WWOX: variants seen among roughly 807,000 people sequenced by gnomAD.
WWOX encodes WW domain-containing oxidoreductase.
Under a neutral mutation model 46.2 loss-of-function variants are expected in WWOX, and 69 were observed. The ratio of observed to expected loss-of-function variants is 1.49; its 90% confidence interval spans 1.23 to 1.82. The LOEUF is 1.82. Among genes scored for constraint, WWOX ranks in the 40% most tolerant of loss-of-function variants. The probability of loss-of-function intolerance (pLI) is 0.00; values close to 1 mark genes in which losing one functional copy is unlikely to be tolerated. For synonymous variants in WWOX, 359 were observed against 202.6 expected (o/e 1.77, Z -6.56); for missense variants, 919 against 542.6 (o/e 1.69, Z -6.89).
intron 8 of WWOX, among the ~76,000 whole-genome samples, chr16:78,950,107 G>A (rs1402584418): frequency 6.6e-6 from 1 of 152,092 alleles, no homozygotes; most frequent in Admixed American, 6.5e-5. Flanking sequence ...ATGATATACT[G>A]CACATGTTTT....
chr16:79,116,049 C>T (rs2049509423), intron 8 of WWOX, among the ~76,000 whole-genome samples: 1 of 152,226 alleles, frequency 6.6e-6, no homozygotes, highest in East Asian at 1.9e-4. Flanking sequence ...CTTAAGTGTA[C>T]AATAGCATTG....
chr16:79,141,525 G>A (rs2050088632), intron 8 of WWOX, among the ~76,000 whole-genome samples: 1 of 152,220 alleles, frequency 6.6e-6, no homozygotes, highest in South Asian at 2.1e-4. Context: ...CCGTTTTCAA[G>A]TCTCATTTTA....
intron 8 of WWOX, among the ~76,000 whole-genome samples, chr16:78,853,105 G>A (rs2151182440): frequency 1.3e-5 from 2 of 152,278 alleles, no homozygotes; most frequent in Middle Eastern, 6.8e-3. Context: ...TCTGTAAGGT[G>A]TTTAATTTGT....
intron 8 of WWOX, among the ~76,000 whole-genome samples, chr16:78,622,728 G>C (rs2151646469): frequency 6.6e-6 from 1 of 152,120 alleles, no homozygotes; most frequent in Non-Finnish European, 1.5e-5. Context: ...AAGATAATAG[G>C]ATGTAACTGT....
At chr16:78,482,304 T>G (rs1026232445) in intron 8 of WWOX, among the ~76,000 whole-genome samples, 1 of 152,132 alleles carries the variant, frequency 6.6e-6, no homozygotes, top group Non-Finnish European at 1.5e-5. Context: ...GGCGCGATCT[T>G]GGCTCACTGC....
At chr16:78,711,098 A>C (rs955686500) in intron 8 of WWOX, among the ~76,000 whole-genome samples, 1 of 152,216 alleles carries the variant, frequency 6.6e-6, no homozygotes, top group East Asian at 1.9e-4. Flanking sequence ...GATTACTTCC[A>C]ACACGTTTCT....
intron 5 of WWOX, among the ~76,000 whole-genome samples, chr16:78,380,818 A>G (rs1352824401): frequency 6.6e-6 from 1 of 152,168 alleles, no homozygotes; most frequent in Non-Finnish European, 1.5e-5. Context: ...TGAAAAAAGA[A>G]AACAAGGGAG....
chr16:78,401,171 A>G (rs111804698), intron 6 of WWOX, among the ~76,000 whole-genome samples: 1 of 152,214 alleles, frequency 6.6e-6, no homozygotes, highest in Non-Finnish European at 1.5e-5. Flanking sequence ...AAAATGTTAA[A>G]TATGTGTGTG....
chr16:78,821,065 C>G (rs973492684), intron 8 of WWOX, among the ~76,000 whole-genome samples: 1 of 152,184 alleles, frequency 6.6e-6, no homozygotes, highest in Non-Finnish European at 1.5e-5. Context: ...AATAAAGTCA[C>G]ATTCGTTGGT....
At chr16:79,037,801 C>G (rs2047896645) in intron 8 of WWOX, among the ~76,000 whole-genome samples, 1 of 151,946 alleles carries the variant, frequency 6.6e-6, no homozygotes, top group Non-Finnish European at 1.5e-5. Flanking sequence ...ATTTTTATCC[C>G]CAAGGTCAGG....
At chr16:78,424,138 G>T (rs2083021365) in intron 6 of WWOX, among the ~76,000 whole-genome samples, 2 of 119,646 alleles carry the variant, frequency 1.7e-5, no homozygotes, top group Non-Finnish European at 3.3e-5. Context: ...TTTTTTTGGA[G>T]ATAGAGTCTT....
At chr16:78,239,518 A>G (rs1190555406) in intron 5 of WWOX, among the ~76,000 whole-genome samples, 1 of 152,000 alleles carries the variant, frequency 6.6e-6, no homozygotes, top group Non-Finnish European at 1.5e-5. Flanking sequence ...CTTAGGCATT[A>G]GTGATTTGGT....
At chr16:78,806,597 G>A (rs2051043804) in intron 8 of WWOX, among the ~76,000 whole-genome samples, 1 of 152,128 alleles carries the variant, frequency 6.6e-6, no homozygotes, top group Admixed American at 6.5e-5. Flanking sequence ...TTGTCTCCAT[G>A]TACCCTGAGC....
chr16:78,735,126 C>G (rs149237031), intron 8 of WWOX, among the ~76,000 whole-genome samples: 3 of 151,664 alleles, frequency 2.0e-5, no homozygotes, highest in Non-Finnish European at 4.4e-5. Flanking sequence ...CTTGACGTCG[C>G]AAAGTGCTGG....
chr16:78,727,067 C>A (rs1265759698), intron 8 of WWOX, among the ~76,000 whole-genome samples: 3 of 152,096 alleles, frequency 2.0e-5, no homozygotes, highest in Non-Finnish European at 2.9e-5. Context: ...GTCCCAGTGC[C>A]CTTGGCAGAC....
At chr16:78,138,677 T>C (rs2033882726) in intron 4 of WWOX, among the ~76,000 whole-genome samples, 1 of 152,234 alleles carries the variant, frequency 6.6e-6, no homozygotes, top group African/African-American at 2.4e-5. Flanking sequence ...CAGCCCACCC[T>C]GAGAAGTCAC....
intron 8 of WWOX, among the ~76,000 whole-genome samples, chr16:78,945,963 A>G (rs2045941127): frequency 6.6e-6 from 1 of 152,088 alleles, no homozygotes; most frequent in African/African-American, 2.4e-5. Context: ...CTTCAGGCTA[A>G]TAATCACCTG....
chr16:79,114,512 C>T (rs899915987), intron 8 of WWOX, among the ~76,000 whole-genome samples: 9 of 151,714 alleles, frequency 5.9e-5, no homozygotes, highest in African/African-American at 2.2e-4. Flanking sequence ...CTGCCATAAG[C>T]CAGGGAACAG....
At chr16:78,298,170 T>G (rs2079972431) in intron 5 of WWOX, among the ~76,000 whole-genome samples, 1 of 152,310 alleles carries the variant, frequency 6.6e-6, no homozygotes, top group South Asian at 2.1e-4. Context: ...GTGAATCAAT[T>G]AAACCTCTTT....
Sources: allele counts gnomAD v4.1 joint callset (sites outside exome capture counted in the v4.1 genomes callset), GRCh38; gene constraint gnomAD v4.1.1; transcripts MANE v1.5; gene names NCBI Gene and HGNC (gene_info 2026-07-23, HGNC 2026-07-21).